Variants in TMCC1 observed in about 807,000 individuals in gnomAD.
TMCC1 encodes the protein transmembrane and coiled-coil domain family 1, also known as transmembrane and coiled-coil domains protein 1.
Under a neutral mutation model 52.4 loss-of-function variants are expected in TMCC1, and 15 were observed. The ratio of observed to expected loss-of-function variants is 0.29; its 90% CI spans 0.19 to 0.44. The LOEUF is 0.44. Among genes scored for constraint, TMCC1 ranks in the 20% least tolerant of loss-of-function variants. The pLI is 1.00. For synonymous variants in TMCC1, 279 were observed against 301.9 expected (o/e 0.92, Z 0.79); for missense variants, 503 against 806.0 (o/e 0.62, Z 4.55).
At chr3:129,678,859 C>G (rs2108911482) in intron 4 of TMCC1, among the ~76,000 whole-genome samples, 1 of 152,282 alleles carries the variant, frequency 6.6e-6, no homozygotes, top group East Asian at 1.9e-4. Flanking sequence ...CCATATTGTC[C>G]TAGCAATGCA....
At chr3:129,808,093 C>G (rs1242955929) in intron 4 of TMCC1, among the ~76,000 whole-genome samples, 1 of 89,916 alleles carries the variant, frequency 1.1e-5, no homozygotes, top group Non-Finnish European at 2.2e-5. Flanking sequence ...TCGCTTGAAA[C>G]TGGGGTCGGG....
chr3:129,876,496 G>A (rs566543794), intron 2 of TMCC1, among the ~76,000 whole-genome samples: 4 of 151,866 alleles, frequency 2.6e-5, no homozygotes, highest in African/African-American at 9.6e-5. Flanking sequence ...CTGAAGACAT[G>A]AATCAAAAAT....
At chr3:129,656,170 T>C (rs937158927) in intron 5 of TMCC1, among the ~76,000 whole-genome samples, 1 of 152,196 alleles carries the variant, frequency 6.6e-6, no homozygotes, top group Non-Finnish European at 1.5e-5. Flanking sequence ...AGGTTGTATG[T>C]GGAGTCCCAG....
chr3:129,758,029 A>G (rs2053171880), intron 4 of TMCC1, among the ~76,000 whole-genome samples: 1 of 152,214 alleles, frequency 6.6e-6, no homozygotes, highest in Non-Finnish European at 1.5e-5. Context: ...ATCTACCTTT[A>G]ATACAAATAC....
chr3:129,688,243 G>A, intron 4 of TMCC1: 1 of 985,110 alleles, frequency 1.0e-6, no homozygotes, highest in African/African-American at 1.7e-5. Context: ...TTTGTGCACT[G>A]CCAGAGAAAG....
intron 4 of TMCC1, among the ~76,000 whole-genome samples, chr3:129,816,496 CAT>C (rs1169117271): frequency 6.6e-6 from 1 of 152,108 alleles, no homozygotes; most frequent in Non-Finnish European, 1.5e-5. Flanking sequence ...ATAAACATCA[CAT>C]GTTATCACTC....
At chr3:129,863,714 T>G (rs1000162082) in intron 2 of TMCC1, among the ~76,000 whole-genome samples, 2 of 151,848 alleles carry the variant, frequency 1.3e-5, no homozygotes, top group African/African-American at 4.8e-5. Flanking sequence ...ATACAAAAAT[T>G]AGCCAGGCGT....
chr3:129,846,544 A>G (rs889064062), intron 2 of TMCC1, among the ~76,000 whole-genome samples: 4 of 152,132 alleles, frequency 2.6e-5, no homozygotes, highest in Non-Finnish European at 5.9e-5. Flanking sequence ...AAGGAGCAAC[A>G]TTTTTCCAAC....
At chr3:129,842,762 T>C (rs1258941401) in intron 2 of TMCC1, among the ~76,000 whole-genome samples, 1 of 152,128 alleles carries the variant, frequency 6.6e-6, no homozygotes, top group Non-Finnish European at 1.5e-5. Flanking sequence ...TGCCTCCAAA[T>C]ATGTGGATAT....
rs1170902555 is a variant in TMCC1, at chr3:129,655,096, G to A, written c.1519C>T (p.Arg507Ter). 1 of 1,613,020 alleles carries A rather than the reference G, an allele frequency of 6.2e-7. No homozygotes were observed. The highest frequency in any genetic ancestry group is 1.7e-5 in the Admixed American group (1 of 59,824). ...TLQEERYRCE[R>*]LEEQLNDLTE... ...AGGTCATTTAGCTGTTCTTCCAATC[G>A]TTCACATCTAAGGAGAAAAAAAAAG... The change falls in exon 6 of 7, where the codon CGA becomes TGA. Residue 507 changes from arginine (R) to a stop codon, truncating the protein, a stop_gained. Transcript: ENST00000393238. LOFTEE classifies it high-confidence loss of function.
chr3:129,862,107 CA>C lies in TMCC1; in HGVS notation c.-184+18201del, dbSNP rs763860938. Among the ~76,000 whole-genome samples, 7 of 152,274 alleles carry C rather than the reference CA, an allele frequency of 4.6e-5. No individual in the cohort carries two copies. The East Asian group carries it at 1.3e-3, about 29-fold the overall frequency. ...TATGCTAAGTAAAAGAAGCCAGTCA[CA>C]AAGGACCACATATGGTATAATTCCA... On this transcript the variant is annotated intron_variant, in intron 2 of 6. Transcript: ENST00000393238.
intron 4 of TMCC1, among the ~76,000 whole-genome samples, chr3:129,780,477 T>C (rs1307509148): frequency 6.6e-6 from 1 of 152,046 alleles, no homozygotes; most frequent in Non-Finnish European, 1.5e-5. Flanking sequence ...TTTCCACTAT[T>C]ACCTCTAAGT....
chr3:129,678,938 A>C (rs1447974722), intron 4 of TMCC1, among the ~76,000 whole-genome samples: 1 of 152,150 alleles, frequency 6.6e-6, no homozygotes, highest in Non-Finnish European at 1.5e-5. Flanking sequence ...TTCTTTTAAA[A>C]CATAAGTCAG....
intron 4 of TMCC1, among the ~76,000 whole-genome samples, chr3:129,762,470 C>T (rs979286098): frequency 2.0e-5 from 3 of 152,124 alleles, no homozygotes; most frequent in African/African-American, 7.2e-5. Context: ...TTGGTTATTT[C>T]CTCTTCTCAC....
intron 2 of TMCC1, among the ~76,000 whole-genome samples, chr3:129,866,774 A>G (rs575236142): frequency 1.2e-4 from 19 of 152,326 alleles, no homozygotes; most frequent in African/African-American, 4.6e-4. Flanking sequence ...TTTACCATAA[A>G]GATACAAAAT....
intron 1 of TMCC1, among the ~76,000 whole-genome samples, chr3:129,892,951 C>T (rs1196194895): frequency 6.6e-6 from 1 of 152,168 alleles, no homozygotes; most frequent in Non-Finnish European, 1.5e-5. Context: ...ATCCCACCTC[C>T]CACTACATAT....
intron 4 of TMCC1, among the ~76,000 whole-genome samples, chr3:129,694,388 C>T (rs1661360969): frequency 6.6e-6 from 1 of 152,220 alleles, no homozygotes; most frequent in Non-Finnish European, 1.5e-5. Context: ...CAGGCCAAAC[C>T]TAATGAGACT....
intron 4 of TMCC1, among the ~76,000 whole-genome samples, chr3:129,730,708 T>C (rs2050472085): frequency 1.3e-5 from 2 of 152,262 alleles, no homozygotes; most frequent in Admixed American, 1.3e-4. Flanking sequence ...CTGAGATTTC[T>C]GATTGGAATT....
rs542724354 is a variant in TMCC1 at position 129,850,856 on chromosome 3, G to C, written c.-183-18030C>G. 1.1e-4 allele frequency among the ~76,000 whole-genome samples: 16 copies of C among 152,334 alleles called. No individual in the cohort carries two copies. In the South Asian group the frequency reaches 3.3e-3, roughly 32 times the overall value. On this transcript the variant is annotated intron_variant, in intron 2 of 6. Transcript: ENST00000393238. ...AGGGATGGGCCGAAATAAAGGGATG[G>C]GTTGGGCTAGTTATCTGCAGCAGGA... is the stretch of plus-strand genomic sequence containing the variant.
Sources: allele counts gnomAD v4.1 joint callset (sites outside exome capture counted in the v4.1 genomes callset), GRCh38; gene constraint gnomAD v4.1.1; transcripts MANE v1.5; gene names NCBI Gene and HGNC (gene_info 2026-07-23, HGNC 2026-07-21).